Variants in EYS observed in about 807,000 individuals in gnomAD.
EYS encodes protein eyes shut homolog.
A neutral mutation model predicts 282.1 loss-of-function variants in EYS; 250 were observed. That is an observed-to-expected ratio of 0.89 (90% CI 0.80 to 0.98). The LOEUF (loss-of-function observed/expected upper bound fraction) is 0.98, where lower values mean the gene tolerates loss of function less well. Among genes scored for constraint, EYS ranks in the 50% least tolerant of loss-of-function variants. EYS has a pLI of 0.00. For synonymous variants in EYS, 1,355 were observed against 1,282.9 expected, an observed-to-expected ratio of 1.06 and a Z score of -1.20; for missense variants, 4,016 against 3,709.0, an observed-to-expected ratio of 1.08 and a Z score of -2.15.
rs371293011 is a variant in EYS at position 64,886,690 on chromosome 6, G to T, written c.2992+7C>A. ...TGTTGCTGCACATGGGACAGATATG[G>T]ATTTACCTGTATAACCAGGGGCACA... On this transcript the variant is annotated splice_region_variant and intron_variant, in intron 19 of 42. Coordinates refer to ENST00000503581, the MANE Select transcript of EYS (RefSeq NM_001142800.2). The T allele has an allele frequency of 2.7e-5, 41 of 1,542,102 alleles. No homozygotes were observed. The African/African-American group carries it at 4.8e-4, about 18-fold the overall frequency.
At chr6:64,787,314 ATGAT>A (rs1186593545) in intron 22 of EYS, among the ~76,000 whole-genome samples, 2 of 152,234 alleles carry the variant, frequency 1.3e-5, no homozygotes, top group African/African-American at 4.8e-5. Flanking sequence ...ATTCCTATAC[ATGAT>A]TGATTGTTTG....
At chr6:65,149,831 G>A (rs1764568544) in intron 12 of EYS, among the ~76,000 whole-genome samples, 1 of 152,096 alleles carries the variant, frequency 6.6e-6, no homozygotes, top group African/African-American at 2.4e-5. Context: ...CTGCTATGAA[G>A]AAATACCTGA....
chr6:65,456,129 A>G (rs1327670975), intron 5 of EYS, among the ~76,000 whole-genome samples: 5 of 151,990 alleles, frequency 3.3e-5, no homozygotes, highest in Non-Finnish European at 5.9e-5. Context: ...AATTTCAGCA[A>G]TATCCTAAAA....
chr6:65,128,511 G>T (rs1775780668), intron 12 of EYS, among the ~76,000 whole-genome samples: 1 of 151,954 alleles, frequency 6.6e-6, no homozygotes, highest in Non-Finnish European at 1.5e-5. Context: ...ACAAAAATCA[G>T]TAGCATTTCC....
At chr6:65,642,422 C>G (rs79814178) in intron 1 of EYS, among the ~76,000 whole-genome samples, 1 of 151,966 alleles carries the variant, frequency 6.6e-6, no homozygotes, top group African/African-American at 2.4e-5. Flanking sequence ...TTTCAGTCAA[C>G]GGGGGCATTA....
chr6:64,208,112 G>T (rs75500342), intron 31 of EYS, among the ~76,000 whole-genome samples: 1,852 of 152,224 alleles, frequency 0.012, 37 homozygotes, highest in African/African-American at 0.042. Context: ...TTCTCACCTA[G>T]CTTATCTTGT....
intron 2 of EYS, among the ~76,000 whole-genome samples, chr6:65,548,761 A>G (rs563268528): frequency 2.6e-5 from 4 of 152,288 alleles, no homozygotes; most frequent in Non-Finnish European, 5.9e-5. Context: ...AACCCACCCT[A>G]TGAAGCCCTG....
intron 7 of EYS, among the ~76,000 whole-genome samples, chr6:65,399,897 T>G (rs902406102): frequency 6.6e-6 from 1 of 152,042 alleles, no homozygotes; most frequent in Non-Finnish European, 1.5e-5. Context: ...CTGGACTTCA[T>G]GGTTGCAAAA....
At chr6:65,371,170 C>A (rs927570923) in intron 8 of EYS, among the ~76,000 whole-genome samples, 1 of 151,760 alleles carries the variant, frequency 6.6e-6, no homozygotes, top group Non-Finnish European at 1.5e-5. Context: ...ACACAGACTC[C>A]TTTTTCTTGT....
intron 12 of EYS, among the ~76,000 whole-genome samples, chr6:65,183,738 A>G (rs1042671975): frequency 6.6e-6 from 1 of 151,874 alleles, no homozygotes; most frequent in African/African-American, 2.4e-5. Flanking sequence ...TCTTGAAACA[A>G]ATGTGTCATA....
At chr6:64,206,950 T>C (rs1765626032) in intron 31 of EYS, among the ~76,000 whole-genome samples, 1 of 152,070 alleles carries the variant, frequency 6.6e-6, no homozygotes, top group South Asian at 2.1e-4. Context: ...CATTAGTTAT[T>C]TTTCCTGATC....
At chr6:64,125,785 C>CAAAAAAAAAAA (rs920132590) in intron 31 of EYS, among the ~76,000 whole-genome samples, 5 of 50,016 alleles carry the variant, frequency 1.0e-4, no homozygotes, top group African/African-American at 3.2e-4. Flanking sequence ...GACTCCGTCT[C>CAAAAAAAAAAA]AAAAAAAAAA....
intron 31 of EYS, among the ~76,000 whole-genome samples, chr6:64,107,653 C>G (rs1773076276): frequency 6.6e-6 from 1 of 152,020 alleles, no homozygotes; most frequent in Non-Finnish European, 1.5e-5. Context: ...TACTTTGTAT[C>G]CTTAAATCCA....
At chr6:64,682,410 C>G (rs537879924) in intron 22 of EYS, among the ~76,000 whole-genome samples, 3 of 152,082 alleles carry the variant, frequency 2.0e-5, no homozygotes, top group Admixed American at 6.6e-5. Context: ...AAGTGATTCA[C>G]TGGCAGTGGC....
intron 31 of EYS, among the ~76,000 whole-genome samples, chr6:64,088,542 T>C (rs1250045905): frequency 6.6e-6 from 1 of 151,954 alleles, no homozygotes; most frequent in Non-Finnish European, 1.5e-5. Context: ...GTTCCTAAAT[T>C]ATATTAAAAA....
At chr6:64,018,262 T>C (rs1447875304) in intron 33 of EYS, among the ~76,000 whole-genome samples, 1 of 152,210 alleles carries the variant, frequency 6.6e-6, no homozygotes, top group Non-Finnish European at 1.5e-5. Context: ...CTTTGGAAAG[T>C]AGATAAAGAA....
chr6:64,468,089 C>T (rs1775984329), intron 26 of EYS, among the ~76,000 whole-genome samples: 1 of 152,114 alleles, frequency 6.6e-6, no homozygotes, highest in Admixed American at 6.5e-5. Context: ...TGCCCAGACC[C>T]ATCAATACCA....
intron 31 of EYS, among the ~76,000 whole-genome samples, chr6:64,143,251 C>T (rs187795564): frequency 7.4e-5 from 11 of 148,608 alleles, no homozygotes; most frequent in East Asian, 6.1e-4. Flanking sequence ...AGATGCATGT[C>T]GTTCTACATT....
intron 36 of EYS, among the ~76,000 whole-genome samples, chr6:63,863,599 AT>A (rs1227218935): frequency 2.7e-5 from 4 of 146,200 alleles, no homozygotes; most frequent in Non-Finnish European, 6.0e-5. Context: ...CAATACATAG[AT>A]TTTCTGTACT....
Sources: gnomAD v4.1 joint callset for allele counts (sites outside exome capture counted in the v4.1 genomes callset) on GRCh38, gnomAD v4.1.1 for gene constraint, MANE v1.5 for transcripts, NCBI Gene and HGNC (gene_info 2026-07-23, HGNC 2026-07-21) for gene names.